Variants in GNA14 observed in about 807,000 individuals in gnomAD.
GNA14 encodes G protein subunit alpha 14, also known as guanine nucleotide-binding protein subunit alpha-14.
A neutral mutation model predicts 42.0 loss-of-function variants in GNA14; 50 were observed. The observed-to-expected ratio is 1.19, with a 90% CI of 0.95 to 1.51. The LOEUF is 1.51. Among genes scored for constraint, GNA14 ranks in the 40% most tolerant of loss-of-function variants. GNA14 has a pLI of 0.00. For missense variants in GNA14, 473 were observed against 446.2 expected (o/e 1.06, Z -0.54); for synonymous variants, 173 against 163.1 (o/e 1.06, Z -0.46).
chr9:77,459,204 C>T (rs1346317906), intron 2 of GNA14, among the ~76,000 whole-genome samples: 2 of 151,754 alleles, frequency 1.3e-5, no homozygotes, highest in African/African-American at 2.4e-5. Context: ...TCACTGCCCT[C>T]CAGCCTGGGC....
intron 1 of GNA14, among the ~76,000 whole-genome samples, chr9:77,597,472 A>G (rs927846948): frequency 6.6e-5 from 10 of 152,058 alleles, no homozygotes; most frequent in African/African-American, 1.9e-4. Context: ...ACCATGCTCA[A>G]TCATGTTGAG....
At chr9:77,621,486 G>A (rs1823920763) in intron 1 of GNA14, among the ~76,000 whole-genome samples, 1 of 152,210 alleles carries the variant, frequency 6.6e-6, no homozygotes, top group African/African-American at 2.4e-5. Flanking sequence ...GGCTTCACCA[G>A]ACCATGCCTA....
intron 1 of GNA14, among the ~76,000 whole-genome samples, chr9:77,597,573 T>C (rs2117905649): frequency 6.6e-6 from 1 of 152,038 alleles, no homozygotes; most frequent in African/African-American, 2.4e-5. Flanking sequence ...GTCTTGCCTA[T>C]GGTTCTATCT....
intron 1 of GNA14, among the ~76,000 whole-genome samples, chr9:77,547,133 G>C (rs763105720): frequency 6.6e-6 from 1 of 152,162 alleles, no homozygotes; most frequent in African/African-American, 2.4e-5. Context: ...AGTTAGATGT[G>C]TTTCTTACAT....
intron 1 of GNA14, among the ~76,000 whole-genome samples, chr9:77,549,163 G>C (rs558676029): frequency 7.9e-5 from 12 of 152,262 alleles, no homozygotes; most frequent in Admixed American, 3.9e-4. Context: ...TTGATCTCCT[G>C]ACCTTATGAT....
intron 2 of GNA14, among the ~76,000 whole-genome samples, chr9:77,510,825 T>A (rs1229336335): frequency 6.6e-6 from 1 of 152,096 alleles, no homozygotes; most frequent in South Asian, 2.1e-4. Context: ...TTGGAAAGTT[T>A]CCATGCAGAG....
intron 2 of GNA14, among the ~76,000 whole-genome samples, chr9:77,467,493 C>T (rs764013953): frequency 3.3e-5 from 5 of 150,670 alleles, no homozygotes; most frequent in Non-Finnish European, 7.4e-5. Context: ...TCTTTCCAAT[C>T]TGCCATGTTG....
intron 1 of GNA14, among the ~76,000 whole-genome samples, chr9:77,576,334 G>A (rs1053266404): frequency 2.0e-5 from 3 of 152,158 alleles, no homozygotes; most frequent in African/African-American, 7.2e-5. Context: ...TTTATTTTTA[G>A]CTGATGATAG....
chr9:77,425,445 G>T (rs1835438093), intron 6 of GNA14, 117 bp downstream of exon 6: 1 of 666,274 alleles, frequency 1.5e-6, no homozygotes, highest in Non-Finnish European at 2.6e-6. Flanking sequence ...GGAATAGGGG[G>T]AGAGGCTATT....
chr9:77,582,891 G>A (rs1441783714), intron 1 of GNA14, among the ~76,000 whole-genome samples: 3 of 152,196 alleles, frequency 2.0e-5, no homozygotes, highest in Non-Finnish European at 4.4e-5. Context: ...GAACTGGGAA[G>A]TCTTCAGGAG....
intron 2 of GNA14, among the ~76,000 whole-genome samples, chr9:77,442,796 A>AC (rs747108405): frequency 2.0e-5 from 3 of 152,218 alleles, no homozygotes; most frequent in Non-Finnish European, 2.9e-5. Context: ...TGTCCAGGGC[A>AC]CCACCCAAAA....
intron 1 of GNA14, among the ~76,000 whole-genome samples, chr9:77,585,037 T>A (rs1257690327): frequency 2.0e-5 from 3 of 152,262 alleles, no homozygotes; most frequent in Non-Finnish European, 4.4e-5. Flanking sequence ...GCCAATCTCC[T>A]ATCTCATTCT....
chr9:77,524,966 G>C (rs570791446), intron 2 of GNA14, among the ~76,000 whole-genome samples: 1 of 151,960 alleles, frequency 6.6e-6, no homozygotes, highest in Admixed American at 6.6e-5. Context: ...GAGATGGTAC[G>C]GCTTCCCCAG....
At chr9:77,442,497 G>A (rs184238166) in intron 2 of GNA14, among the ~76,000 whole-genome samples, 5 of 152,322 alleles carry the variant, frequency 3.3e-5, no homozygotes, top group African/African-American at 4.8e-5. Flanking sequence ...GGCTTCTGTC[G>A]ACTCTGGAAG....
intron 2 of GNA14, among the ~76,000 whole-genome samples, chr9:77,519,198 G>A (rs1359459767): frequency 6.6e-6 from 1 of 152,144 alleles, no homozygotes; most frequent in Non-Finnish European, 1.5e-5. Context: ...GTCACCTGAG[G>A]TCAGAAGTTC....
chr9:77,559,329 T>G (rs895402002), intron 1 of GNA14, among the ~76,000 whole-genome samples: 1 of 152,278 alleles, frequency 6.6e-6, no homozygotes, highest in Middle Eastern at 3.4e-3. Flanking sequence ...GGGAAGTAGC[T>G]CACTGTGCTT....
rs1824389335 is a variant in GNA14 at position 77,648,024 on chromosome 9, C to T, written c.-231G>A. 1.9e-6 allele frequency: 1 copy of T among 535,814 alleles called. No homozygotes were observed. The highest frequency in any genetic ancestry group is 2.0e-5 in the African/African-American group (1 of 49,912). The allele number at this position is 535,814 out of a possible 1,614,324, so 33.2% of individuals were successfully genotyped here. On this transcript the variant is annotated 5_prime_UTR_variant, in exon 1 of 7. Transcript: ENST00000341700. The stretch of plus-strand genomic sequence containing the variant: ...GCGCTGGGAACGCTCGAGTGCACCC[C>T]GGATCCGGGCTCAGCCCGCCCCACT...
intron 1 of GNA14, among the ~76,000 whole-genome samples, chr9:77,587,397 C>G (rs1209083368): frequency 6.6e-6 from 1 of 152,120 alleles, no homozygotes; most frequent in Non-Finnish European, 1.5e-5. Flanking sequence ...GTAGAAACAG[C>G]CCAAATATCT....
intron 2 of GNA14, among the ~76,000 whole-genome samples, chr9:77,515,866 G>A (rs1371087843): frequency 6.7e-6 from 1 of 148,776 alleles, no homozygotes; most frequent in African/African-American, 2.5e-5. Flanking sequence ...AGGCTGAAGT[G>A]GGAGGATTGC....
Sources: gnomAD v4.1 joint callset for allele counts (sites outside exome capture counted in the v4.1 genomes callset) on GRCh38, gnomAD v4.1.1 for gene constraint, MANE v1.5 for transcripts, NCBI Gene and HGNC (gene_info 2026-07-23, HGNC 2026-07-21) for gene names.